Variants in MAL observed in about 807,000 individuals in gnomAD.
MAL encodes mal, T cell differentiation protein (MAL blood group).
Under a neutral mutation model 16.7 loss-of-function variants are expected in MAL, and 5 were observed. The observed-to-expected ratio is 0.30, with a 90% CI of 0.16 to 0.63. The LOEUF (loss-of-function observed/expected upper bound fraction) is 0.63, where lower values mean the gene tolerates loss of function less well. Among genes scored for constraint, MAL ranks in the 30% least tolerant of loss-of-function variants. MAL has a pLI of 0.82. For synonymous variants in MAL, 96 were observed against 85.5 expected (o/e 1.12, Z -0.67); for missense variants, 202 against 195.8 (o/e 1.03, Z -0.19).
In MAL at chr2:95,053,430, C is replaced by T; in HGVS notation, c.437C>T (p.Ser146Phe). Reference protein sequence around the residue: ...TLLYVVHAVFSLIRWKSS With the variant: ...TLLYVVHAVFFLIRWKSS ...CTCTACGTGGTCCATGCGGTGTTCT[C>T]TTTAATCAGATGGAAGTCTTCATAA... The change falls in exon 4 of 4, where the codon TCT becomes TTT. Residue 146 changes from serine (S) to phenylalanine (F), a missense_variant. By Grantham distance (155) the Ser-to-Phe change is radical. Coordinates refer to ENST00000309988, the MANE Select transcript of MAL (RefSeq NM_002371.4). 6.2e-7 allele frequency: 1 copy of T among 1,613,652 alleles called. No homozygotes were observed. Among genetic ancestry groups the T allele is most frequent in the Non-Finnish European group, 8.5e-7 (1 of 1,179,644 alleles).
At chr2:95,039,032 GTGAGTGAC>G (rs1177314936) in intron 1 of MAL, among the ~76,000 whole-genome samples, 2 of 151,936 alleles carry the variant, frequency 1.3e-5, no homozygotes, top group Admixed American at 6.6e-5. Flanking sequence ...GACTGAGTGA[GTGAGTGAC>G]TGAGTGACTG....
intron 1 of MAL, among the ~76,000 whole-genome samples, chr2:95,039,656 A>G (rs1440637200): frequency 2.2e-5 from 3 of 138,878 alleles, no homozygotes; most frequent in Non-Finnish European, 4.6e-5. Context: ...CTGAGTGAGG[A>G]CTGAGTGAGT....
chr2:95,027,196 A>G (rs1234376136), intron 1 of MAL, among the ~76,000 whole-genome samples: 1 of 152,164 alleles, frequency 6.6e-6, no homozygotes, highest in Non-Finnish European at 1.5e-5. Flanking sequence ...TACAAGAAGG[A>G]GTGCCCCTGA....
At chr2:95,036,408 G>A (rs1040076773) in intron 1 of MAL, among the ~76,000 whole-genome samples, 1 of 152,202 alleles carries the variant, frequency 6.6e-6, no homozygotes, top group African/African-American at 2.4e-5. Context: ...CTCAGACACT[G>A]ACACTTTCAC....
intron 1 of MAL, among the ~76,000 whole-genome samples, chr2:95,040,426 C>T (rs1194706608): frequency 6.6e-6 from 1 of 152,134 alleles, no homozygotes; most frequent in East Asian, 1.9e-4. Context: ...CACATACATA[C>T]GCACAGAAAA....
In MAL at chr2:95,053,743, G is replaced by A. The variant is rs1674773798; in HGVS notation, c.*288G>A. The A allele has an allele frequency of 2.5e-6, 1 of 404,712 alleles. No homozygotes were observed. The highest frequency in any genetic ancestry group is 4.5e-6 in the Non-Finnish European group (1 of 222,152). The allele number at this position is 404,712 out of a possible 1,614,324, so 25.1% of individuals were successfully genotyped here. A position where few individuals can be genotyped will look rare whatever the true frequency, so the allele number is the denominator to read the frequency against. ...TGAAAGGGGACCTTCTTGTTCGGGG[G>A]TGGGAAGTGGCGACCGTGACCTGAG... On this transcript the variant is annotated 3_prime_UTR_variant, in exon 4 of 4. Transcript: ENST00000309988.
intron 1 of MAL, among the ~76,000 whole-genome samples, chr2:95,044,916 C>T (rs957244826): frequency 2.0e-5 from 3 of 152,302 alleles, no homozygotes; most frequent in Non-Finnish European, 4.4e-5. Flanking sequence ...CATCTTAAGC[C>T]ACGTGGGAAG....
chr2:95,042,122 G>A (rs1674481592), intron 1 of MAL, among the ~76,000 whole-genome samples: 1 of 152,168 alleles, frequency 6.6e-6, no homozygotes. Flanking sequence ...CCAAGCTCGA[G>A]GAGAAGAGAG....
intron 3 of MAL, 45 bp downstream of exon 3, chr2:95,049,751 T>G: frequency 1.9e-6 from 3 of 1,610,366 alleles, no homozygotes; most frequent in Non-Finnish European, 2.5e-6. Flanking sequence ...GGCGGCTCCG[T>G]GGCTGGCAGG....
At chr2:95,050,596 G>T (rs1466677331) in intron 3 of MAL, among the ~76,000 whole-genome samples, 1 of 152,180 alleles carries the variant, frequency 6.6e-6, no homozygotes, top group Non-Finnish European at 1.5e-5. Flanking sequence ...TTTAGAAATG[G>T]GGTTGGTGAA....
chr2:95,052,361 C>A (rs1012915627), intron 3 of MAL, among the ~76,000 whole-genome samples: 2 of 152,186 alleles, frequency 1.3e-5, no homozygotes, highest in Non-Finnish European at 2.9e-5. Flanking sequence ...GTCTGGAATG[C>A]CCACCTTTTA....
At chr2:95,052,341 G>A (rs1035927572) in intron 3 of MAL, among the ~76,000 whole-genome samples, 7 of 152,170 alleles carry the variant, frequency 4.6e-5, no homozygotes, top group Non-Finnish European at 1.0e-4. Context: ...TCTGCCAAAG[G>A]CTTTCATTGG....
chr2:95,046,142 G>A lies in MAL; in HGVS notation c.94-1817G>A, dbSNP rs557798631. Reference sequence around the variant, plus strand: ...TTGCTTCTCAGTCAAGCAGCTCAGAGAACACCTGTGAAGACAGCGGTATCT... The same window carrying A: ...TTGCTTCTCAGTCAAGCAGCTCAGAAAACACCTGTGAAGACAGCGGTATCT... On this transcript the variant is annotated intron_variant, in intron 1 of 3. Coordinates refer to ENST00000309988, the MANE Select transcript of MAL (RefSeq NM_002371.4). 1.2e-4 allele frequency among the ~76,000 whole-genome samples: 18 copies of A among 152,302 alleles called. 1 individual carries two copies. Among genetic ancestry groups the A allele is most frequent in the Admixed American group, 5.9e-4 (9 of 15,298 alleles).
At chr2:95,028,289 C>T (rs1002561831) in intron 1 of MAL, among the ~76,000 whole-genome samples, 1 of 151,838 alleles carries the variant, frequency 6.6e-6, no homozygotes, top group African/African-American at 2.4e-5. Flanking sequence ...TGCCGCTGCA[C>T]TCCAGCCTGG....
intron 1 of MAL, among the ~76,000 whole-genome samples, chr2:95,037,540 C>CTGAG (rs151095883): frequency 5.6e-5 from 5 of 89,828 alleles, no homozygotes; most frequent in South Asian, 7.9e-4. Flanking sequence ...GAGTGAGTGA[C>CTGAG]TGAGTGAGTG....
chr2:95,037,285 CTGGGTGAATGACTGA>C (rs1674246809), intron 1 of MAL, among the ~76,000 whole-genome samples: 1 of 99,062 alleles, frequency 1.0e-5, no homozygotes, highest in South Asian at 3.5e-4. Flanking sequence ...GAGTGACTGA[CTGGGTGAATGACTGA>C]TGGGTGAGTG....
intron 1 of MAL, among the ~76,000 whole-genome samples, chr2:95,047,707 ACT>A (rs975313930): frequency 2.6e-5 from 4 of 152,042 alleles, no homozygotes; most frequent in Non-Finnish European, 5.9e-5. Context: ...ACAGAGCAAG[ACT>A]CTGTCTCAAG....
intron 1 of MAL, among the ~76,000 whole-genome samples, chr2:95,035,137 C>T (rs1253660499): frequency 2.0e-5 from 3 of 152,200 alleles, no homozygotes; most frequent in Non-Finnish European, 4.4e-5. Flanking sequence ...TTGGACCCTC[C>T]CAGACCCTGG....
At chr2:95,048,705 G>A (rs1008574640) in intron 2 of MAL, among the ~76,000 whole-genome samples, 6 of 152,232 alleles carry the variant, frequency 3.9e-5, no homozygotes, top group Admixed American at 2.6e-4. Context: ...TGTAGGGGTG[G>A]TGGGGCCATT....
Sources: allele counts gnomAD v4.1 joint callset (sites outside exome capture counted in the v4.1 genomes callset), GRCh38; gene constraint gnomAD v4.1.1; transcripts MANE v1.5; gene names NCBI Gene and HGNC (gene_info 2026-07-23, HGNC 2026-07-21).